Variants in NSA2 observed in about 807,000 individuals in gnomAD.
NSA2 encodes ribosome biogenesis protein NSA2 homolog.
In NSA2, 18 loss-of-function variants were observed where a neutral mutation model predicts 34.8. The ratio of observed to expected loss-of-function variants is 0.52; its 90% CI spans 0.36 to 0.77. The LOEUF is 0.77. NSA2 is among the 30% of genes least tolerant of loss of function. The pLI is 0.00. For missense variants in NSA2, 188 were observed against 314.7 expected, an observed-to-expected ratio of 0.60 and a Z score of 3.05; for synonymous variants, 79 against 100.2, an observed-to-expected ratio of 0.79 and a Z score of 1.26.
At chr5:74,770,331 T>TA (rs58512296) in intron 3 of NSA2, among the ~76,000 whole-genome samples, 1,192 of 101,484 alleles carry the variant, frequency 0.012, 7 homozygotes, top group African/African-American at 0.024. Context: ...AGACTCCATC[T>TA]AAAAAAAAAA....
chr5:74,767,642 C>T (rs961707159), intron 1 of NSA2, among the ~76,000 whole-genome samples: 14 of 152,220 alleles, frequency 9.2e-5, no homozygotes, highest in African/African-American at 1.4e-4. Context: ...CCTAAAAATT[C>T]CTGATTTCAC....
intron 5 of NSA2, among the ~76,000 whole-genome samples, chr5:74,774,611 AT>A (rs1204196215): frequency 1.3e-5 from 2 of 152,238 alleles, no homozygotes; most frequent in African/African-American, 4.8e-5. Context: ...CTCAAAAAAA[AT>A]TTTTTTAACC....
At chr5:74,767,701 C>T (rs1385061493) in intron 1 of NSA2, among the ~76,000 whole-genome samples, 2 of 152,182 alleles carry the variant, frequency 1.3e-5, no homozygotes, top group East Asian at 1.9e-4. Flanking sequence ...ATGGTTGTCC[C>T]TTGTACAGTC....
In NSA2 at chr5:74,767,396, C is replaced by T. The variant is rs374950698; in HGVS notation, c.3+33C>T. ...GGATGCCTCGGACGCTCGCGACACACAGCGTCTGAGTTAGTGGGACCTGAG... is the reference window on the plus strand; with the variant it reads ...GGATGCCTCGGACGCTCGCGACACATAGCGTCTGAGTTAGTGGGACCTGAG... On this transcript the variant is annotated intron_variant, in intron 1 of 5. Coordinates refer to ENST00000610426, the MANE Select transcript of NSA2 (RefSeq NM_014886.6). The T allele has an allele frequency of 1.2e-5, 20 of 1,611,604 alleles. No individual in the cohort carries two copies. In the African/African-American group the frequency reaches 2.5e-4, roughly 20 times the overall value.
intron 4 of NSA2, among the ~76,000 whole-genome samples, chr5:74,772,508 T>G (rs1158252655): frequency 6.6e-6 from 1 of 152,188 alleles, no homozygotes; most frequent in Non-Finnish European, 1.5e-5. Context: ...TGCCTGTTCA[T>G]TTACATATTG....
intron 4 of NSA2, among the ~76,000 whole-genome samples, chr5:74,771,307 C>T (rs990770592): frequency 4.9e-4 from 74 of 151,818 alleles, no homozygotes; most frequent in African/African-American, 1.7e-3. Context: ...TTTTCAGCTT[C>T]GTGAGAGATT....
At chr5:74,773,426 G>A (rs1180702148) in intron 4 of NSA2, among the ~76,000 whole-genome samples, 1 of 149,602 alleles carries the variant, frequency 6.7e-6, no homozygotes, top group Non-Finnish European at 1.5e-5. Context: ...TGAGAGCCCA[G>A]GAGTCCAAGA....
chr5:74,773,767 G>GT, intron 4 of NSA2, 101 bp from the exon 5 acceptor site: 2 of 870,620 alleles, frequency 2.3e-6, no homozygotes, highest in Non-Finnish European at 3.5e-6. Context: ...TTCAACCATA[G>GT]TTTTTTGGAG....
intron 4 of NSA2, among the ~76,000 whole-genome samples, chr5:74,771,930 G>A (rs895860834): frequency 2.6e-5 from 4 of 151,706 alleles, no homozygotes; most frequent in Non-Finnish European, 5.9e-5. Context: ...CTTAATTTCT[G>A]TTGAAGGCAG....
intron 5 of NSA2, among the ~76,000 whole-genome samples, chr5:74,775,236 G>C (rs1267196330): frequency 6.6e-6 from 1 of 151,826 alleles, no homozygotes; most frequent in Non-Finnish European, 1.5e-5. Context: ...AATAATAATT[G>C]AAAGTGATTT....
chr5:74,769,133 T>C lies in NSA2; in HGVS notation c.191+15T>C. The C allele has an allele frequency of 6.3e-7, 1 of 1,598,776 alleles. No individual in the cohort carries two copies. Among genetic ancestry groups the C allele is most frequent in the Non-Finnish European group, 8.5e-7 (1 of 1,175,158 alleles). The stretch of plus-strand genomic sequence containing the variant: ...ATGAAAAAGACGTAAGTGGTCTCAT[T>C]TATTTGTCATAACAAGTTAACATCT... On this transcript the variant is annotated intron_variant, in intron 2 of 5. Transcript: ENST00000610426.
intron 5 of NSA2, among the ~76,000 whole-genome samples, chr5:74,775,639 C>G (rs1356314751): frequency 1.3e-5 from 2 of 151,392 alleles, no homozygotes; most frequent in Non-Finnish European, 2.9e-5. Context: ...ATATTTTGAT[C>G]TTTTTTAATA....
chr5:74,770,831 A>G, intron 4 of NSA2, 21 bp downstream of exon 4: 1 of 1,487,840 alleles, frequency 6.7e-7, no homozygotes, highest in South Asian at 1.4e-5. Context: ...GGAAGAGTGT[A>G]ATGACCGAAA....
rs1034539870 is a variant in NSA2 at position 74,776,791 on chromosome 5, T to C, written c.*120T>C. 25 of 605,598 alleles carry C rather than the reference T, an allele frequency of 4.1e-5. No homozygotes were observed. Among genetic ancestry groups the C allele is most frequent in the Non-Finnish European group, 6.9e-5 (23 of 332,102 alleles). 37.5% of individuals were successfully genotyped at this position (605,598 alleles called of 1,614,324 possible). A position where few individuals can be genotyped will look rare whatever the true frequency, so the allele number is the denominator to read the frequency against. On this transcript the variant is annotated 3_prime_UTR_variant, in exon 6 of 6. Coordinates refer to ENST00000610426, the MANE Select transcript of NSA2 (RefSeq NM_014886.6). ...GTCTGCAATGAAGAGATTTATTAAA[T>C]TGTAAACATTAAAGTGGTCCAGTTT...
intron 5 of NSA2, among the ~76,000 whole-genome samples, chr5:74,774,416 A>G (rs2112423625): frequency 6.6e-6 from 1 of 152,166 alleles, no homozygotes; most frequent in South Asian, 2.1e-4. Context: ...AGCCTGGCCA[A>G]CATGGCAAAA....
chr5:74,774,112 A>G, intron 5 of NSA2, 52 bp downstream of exon 5: 1 of 1,244,604 alleles, frequency 8.0e-7, no homozygotes, highest in Non-Finnish European at 1.1e-6. Flanking sequence ...ACTAATAGAA[A>G]TACTATTCAA....
chr5:74,779,249 A>G lies in NSA2; in HGVS notation c.*2578A>G, dbSNP rs1745285812. On this transcript the variant is annotated 3_prime_UTR_variant, in exon 6 of 6. Coordinates refer to ENST00000610426, the MANE Select transcript of NSA2 (RefSeq NM_014886.6). ...TAAACTCAACTATATTCACACATCA[A>G]GAGTTGAGCCAGTGAGCTCAATCTT... 6.6e-6 allele frequency: 1 copy of G among 152,158 alleles called. No homozygotes were observed. The allele number at this position is 152,158 out of a possible 1,614,324, so 9.4% of individuals were successfully genotyped here. A position where few individuals can be genotyped will look rare whatever the true frequency, so the allele number is the denominator to read the frequency against.
intron 1 of NSA2, among the ~76,000 whole-genome samples, chr5:74,767,721 A>C (rs958662899): frequency 6.6e-6 from 1 of 152,194 alleles, no homozygotes; most frequent in Non-Finnish European, 1.5e-5. Flanking sequence ...CTTAGATGTC[A>C]GTCCCGCCCC....
intron 4 of NSA2, 114 bp downstream of exon 4, chr5:74,770,924 TA>T: frequency 3.6e-6 from 3 of 823,292 alleles, no homozygotes; most frequent in Non-Finnish European, 5.4e-6. Flanking sequence ...GGTTGAAAGA[TA>T]TTTTTATGCA....
Sources: gnomAD v4.1 joint callset for allele counts (sites outside exome capture counted in the v4.1 genomes callset) on GRCh38, gnomAD v4.1.1 for gene constraint, MANE v1.5 for transcripts, NCBI Gene and HGNC (gene_info 2026-07-23, HGNC 2026-07-21) for gene names.